The following DR1 variants were observed in gnomAD, a reference collection of about 807,000 sequenced individuals.
The protein encoded by DR1 is down-regulator of transcription 1, also known as protein Dr1.
Under a neutral mutation model 19.9 loss-of-function variants are expected in DR1, and 7 were observed. The observed-to-expected ratio is 0.35, with a 90% CI of 0.20 to 0.66. The LOEUF is 0.66. Among genes scored for constraint, DR1 ranks in the 30% least tolerant of loss-of-function variants. The probability of loss-of-function intolerance (pLI) is 0.66; values close to 1 mark genes in which losing one functional copy is unlikely to be tolerated. For synonymous variants in DR1, 76 were observed against 72.5 expected, an observed-to-expected ratio of 1.05 and a Z score of -0.24; for missense variants, 98 against 203.7, an observed-to-expected ratio of 0.48 and a Z score of 3.16.
chr1:93,355,501 C>T (rs889859548), intron 2 of DR1: 1 of 152,154 alleles, frequency 6.6e-6, no homozygotes, highest in African/African-American at 2.4e-5. Context: ...TATTTTGACC[C>T]AAAAGCCTGT....
At chr1:93,347,682 C>T (rs1666869365) in intron 1 of DR1, among the ~76,000 whole-genome samples, 1 of 151,950 alleles carries the variant, frequency 6.6e-6, no homozygotes, top group Non-Finnish European at 1.5e-5. Context: ...CTTCTGAAAA[C>T]TTCAACAGTT....
In DR1 at chr1:93,365,087, G is replaced by T. The variant is rs1410008658; in HGVS notation, c.*4448G>T. 2 of 151,868 alleles carry T rather than the reference G, an allele frequency of 1.3e-5. No individual in the cohort carries two copies. The highest frequency in any genetic ancestry group is 2.9e-5 in the Non-Finnish European group (2 of 68,024). The allele number at this position is 151,868 out of a possible 1,614,324, so 9.4% of individuals were successfully genotyped here. On this transcript the variant is annotated 3_prime_UTR_variant, in exon 3 of 3. Transcript: ENST00000370272. ...TTAGCCAGGATGGTCTCGATCTCCT[G>T]ACCTCGTGATCCACCCGCCTTGGCC...
chr1:93,348,467 A>G (rs1036152974), intron 1 of DR1, among the ~76,000 whole-genome samples: 2 of 152,162 alleles, frequency 1.3e-5, no homozygotes, highest in African/African-American at 4.8e-5. Context: ...ACATTTGTTT[A>G]CACTACAGAA....
intron 2 of DR1, 131 bp downstream of exon 2, chr1:93,354,202 A>G: frequency 8.6e-6 from 7 of 816,786 alleles, no homozygotes; most frequent in Non-Finnish European, 1.3e-5. Flanking sequence ...TCTGGTGTTC[A>G]GAGCTGACCA....
Position 93,346,672 on chromosome 1 carries a change from T to A in DR1, c.27T>A (p.Asp9Glu). ...TGGCTTCCTCGTCTGGCAACGATGA[T>A]GATCTCACTATCCCCAGAGCTGCTA... MASSSGND[D>E]DLTIPRAAIN... is the part of the protein sequence containing the mutation. The change falls in exon 1 of 3, where the codon GAT becomes GAA. Residue 9 changes from aspartate to glutamate, a missense_variant. Physicochemically the swap from Asp to Glu is conservative, Grantham distance 45. Coordinates refer to ENST00000370272, the MANE Select transcript of DR1 (RefSeq NM_001938.3). 6.2e-7 allele frequency: 1 copy of A among 1,613,966 alleles called. No homozygotes were observed. The highest frequency in any genetic ancestry group is 8.5e-7 in the Non-Finnish European group (1 of 1,179,958).
chr1:93,351,279 G>A (rs572201222), intron 1 of DR1, among the ~76,000 whole-genome samples: 50 of 151,974 alleles, frequency 3.3e-4, no homozygotes, highest in African/African-American at 1.1e-3. Flanking sequence ...TAGTTTTTAC[G>A]TATGGCAACT....
intron 2 of DR1, 76 bp downstream of exon 2, chr1:93,354,147 G>T: frequency 7.1e-7 from 1 of 1,410,598 alleles, no homozygotes; most frequent in Non-Finnish European, 9.7e-7. Context: ...TAAATTAACA[G>T]ACATACCCAG....
At position 93,366,666 on chromosome 1, in the gene DR1, T is replaced by C. The variant is rs1465698996; in HGVS notation, c.*6027T>C. On this transcript the variant is annotated 3_prime_UTR_variant, in exon 3 of 3. Transcript: ENST00000370272. ...CCCAAAACACTTCTAAAATTAAACA[T>C]TGAGATTAATATGAGCTTTATATAC... 6.6e-6 allele frequency: 1 copy of C among 152,200 alleles called. No individual in the cohort carries two copies. Among genetic ancestry groups the C allele is most frequent in the African/African-American group, 2.4e-5 (1 of 41,452 alleles). 9.4% of individuals were successfully genotyped at this position (152,200 alleles called of 1,614,324 possible). A position where few individuals can be genotyped will look rare whatever the true frequency, so the allele number is the denominator to read the frequency against.
chr1:93,354,897 AC>A (rs2101637586), intron 2 of DR1: 1 of 152,220 alleles, frequency 6.6e-6, no homozygotes, highest in East Asian at 1.9e-4. Context: ...AGAAAAACTT[AC>A]ATTTATTGAG....
chr1:93,363,845 C>T lies in DR1; in HGVS notation c.*3206C>T, dbSNP rs1290366404. ...TCATTCATTCTCATTGCTGTATAGT[C>T]TTCCGTTTGTTTATCCATTTTTCAT... On this transcript the variant is annotated 3_prime_UTR_variant, in exon 3 of 3. Transcript: ENST00000370272. The T allele has an allele frequency of 6.6e-6, 1 of 152,218 alleles. No individual in the cohort carries two copies. Among genetic ancestry groups the T allele is most frequent in the African/African-American group, 2.4e-5 (1 of 41,472 alleles). The allele number at this position is 152,218 out of a possible 1,614,324, so 9.4% of individuals were successfully genotyped here.
In DR1 at chr1:93,346,255, G is replaced by C. The variant is rs1471781287; in HGVS notation, c.-391G>C. The C allele has an allele frequency of 3.9e-6, 1 of 257,780 alleles. No individual in the cohort carries two copies. Among genetic ancestry groups the C allele is most frequent in the Non-Finnish European group, 7.7e-6 (1 of 130,146 alleles). The allele number at this position is 257,780 out of a possible 1,614,324, so 16.0% of individuals were successfully genotyped here. A position where few individuals can be genotyped will look rare whatever the true frequency, so the allele number is the denominator to read the frequency against. On this transcript the variant is annotated 5_prime_UTR_variant, in exon 1 of 3. Coordinates refer to ENST00000370272, the MANE Select transcript of DR1 (RefSeq NM_001938.3). ...CCGCTGGGTACCCGCCCGGTACCGC[G>C]GCGAGGCCAGTGCCCCTGGATCTTG...
intron 1 of DR1, among the ~76,000 whole-genome samples, chr1:93,348,782 T>C (rs1666883090): frequency 6.6e-6 from 1 of 152,074 alleles, no homozygotes; most frequent in African/African-American, 2.4e-5. Context: ...TATGCTATTC[T>C]TAAAAGTGGT....
intron 2 of DR1, among the ~76,000 whole-genome samples, chr1:93,356,484 C>A (rs1434465442): frequency 6.6e-6 from 1 of 152,046 alleles, no homozygotes; most frequent in Non-Finnish European, 1.5e-5. Context: ...GCCGTGGTAG[C>A]TAAAAGTCAA....
rs1667134602 is a variant in DR1, at chr1:93,366,673, T to G, written c.*6034T>G. On this transcript the variant is annotated 3_prime_UTR_variant, in exon 3 of 3. Coordinates refer to ENST00000370272, the MANE Select transcript of DR1 (RefSeq NM_001938.3). The stretch of plus-strand genomic sequence containing the variant: ...CACTTCTAAAATTAAACATTGAGAT[T>G]AATATGAGCTTTATATACATTTAAA... The G allele has an allele frequency of 6.6e-6, 1 of 152,148 alleles. No homozygotes were observed. Among genetic ancestry groups the G allele is most frequent in the African/African-American group, 2.4e-5 (1 of 41,442 alleles). 9.4% of individuals were successfully genotyped at this position (152,148 alleles called of 1,614,324 possible).
chr1:93,350,059 G>T (rs893500330), intron 1 of DR1, among the ~76,000 whole-genome samples: 1 of 152,094 alleles, frequency 6.6e-6, no homozygotes, highest in Non-Finnish European at 1.5e-5. Context: ...CATCTAATTT[G>T]CACTGCAAAA....
intron 1 of DR1, among the ~76,000 whole-genome samples, chr1:93,351,084 C>T (rs578177589): frequency 2.0e-5 from 3 of 152,186 alleles, no homozygotes; most frequent in African/African-American, 7.2e-5. Flanking sequence ...CTTTAATATT[C>T]TCTTTGTGTA....
rs569565538 is a variant in DR1, at chr1:93,361,900, T to C, written c.*1261T>C. On this transcript the variant is annotated 3_prime_UTR_variant, in exon 3 of 3. Coordinates refer to ENST00000370272, the MANE Select transcript of DR1 (RefSeq NM_001938.3). ...TCTAATAAATACAGTATGGTAGTGT[T>C]TATAGGAATCCAGGATGTTGAAGAA... The C allele has an allele frequency of 6.6e-6, 1 of 152,592 alleles. No individual in the cohort carries two copies. The highest frequency in any genetic ancestry group is 2.1e-4 in the South Asian group (1 of 4,828). 9.5% of individuals were successfully genotyped at this position (152,592 alleles called of 1,614,324 possible).
intron 1 of DR1, among the ~76,000 whole-genome samples, chr1:93,349,197 C>T (rs1316512186): frequency 6.6e-6 from 1 of 151,924 alleles, no homozygotes; most frequent in Non-Finnish European, 1.5e-5. Context: ...TGAGATAGTT[C>T]TGTAAAATGC....
rs1354163510 is a variant in DR1 at position 93,345,942 on chromosome 1, C to A, written c.-704C>A. The A allele has an allele frequency of 6.5e-6, 1 of 152,706 alleles. No homozygotes were observed. The highest frequency in any genetic ancestry group is 2.4e-5 in the African/African-American group (1 of 41,422). 9.5% of individuals were successfully genotyped at this position (152,706 alleles called of 1,614,324 possible). On this transcript the variant is annotated 5_prime_UTR_variant, in exon 1 of 3. Transcript: ENST00000370272. ...TCGGGAGCGGCTTCCTGCAAACCTT[C>A]CCTGGCATCTGGAGGGACCACCGTT...
Sources: allele counts gnomAD v4.1 joint callset (sites outside exome capture counted in the v4.1 genomes callset), GRCh38; gene constraint gnomAD v4.1.1; transcripts MANE v1.5; gene names NCBI Gene and HGNC (gene_info 2026-07-23, HGNC 2026-07-21).